Variants in DIP2C observed in about 807,000 individuals in gnomAD.
DIP2C encodes the protein DIP2 acetate--CoA ligase C (putative).
Under a neutral mutation model 192.4 loss-of-function variants are expected in DIP2C, and 33 were observed. The ratio of observed to expected loss-of-function variants is 0.17; its 90% CI spans 0.13 to 0.23. DIP2C has a LOEUF of 0.23. DIP2C is among the 10% of genes least tolerant of loss of function. DIP2C has a pLI of 1.00. For missense variants in DIP2C, 1,537 were observed against 2,110.1 expected, an observed-to-expected ratio of 0.73 and a Z score of 5.32; for synonymous variants, 979 against 864.1, an observed-to-expected ratio of 1.13 and a Z score of -2.33.
intron 1 of DIP2C, among the ~76,000 whole-genome samples, chr10:648,394 G>A (rs541807547): frequency 1.1e-4 from 16 of 152,160 alleles, no homozygotes; most frequent in African/African-American, 2.4e-4. Flanking sequence ...GATGGTGGGC[G>A]AGACCAGAAG....
chr10:500,808 G>A (rs1461192665), intron 1 of DIP2C, among the ~76,000 whole-genome samples: 1 of 152,184 alleles, frequency 6.6e-6, no homozygotes, highest in Non-Finnish European at 1.5e-5. Context: ...GTCCCATCAG[G>A]ACAGGAATGA....
intron 1 of DIP2C, among the ~76,000 whole-genome samples, chr10:547,283 G>T (rs1848334860): frequency 2.0e-5 from 3 of 152,190 alleles, no homozygotes; most frequent in Non-Finnish European, 4.4e-5. Flanking sequence ...TGCAGCTCCA[G>T]CCTACAGGGA....
intron 1 of DIP2C, among the ~76,000 whole-genome samples, chr10:681,820 T>C (rs1413179978): frequency 6.6e-6 from 1 of 152,276 alleles, no homozygotes; most frequent in African/African-American, 2.4e-5. Context: ...CAGGAACGCC[T>C]TCCTCCTCTT....
In DIP2C at chr10:509,465, C is replaced by T. The variant is rs575968451; in HGVS notation, c.86-22935G>A. Among the ~76,000 whole-genome samples the T allele has an allele frequency of 2.4e-4, 36 of 152,276 alleles. No individual in the cohort carries two copies. The South Asian group carries it at 5.2e-3, about 22-fold the overall frequency. On this transcript the variant is annotated intron_variant, in intron 1 of 36. Transcript: ENST00000280886. Reference sequence around the variant, plus strand: ...GCAGCTCCAGATGGACACAGCAGGTCGGAACATCCCACACCCCAAAGACAG... The same window carrying T: ...GCAGCTCCAGATGGACACAGCAGGTTGGAACATCCCACACCCCAAAGACAG...
intron 1 of DIP2C, among the ~76,000 whole-genome samples, chr10:640,463 C>T (rs891811340): frequency 2.6e-5 from 4 of 152,226 alleles, no homozygotes; most frequent in Non-Finnish European, 5.9e-5. Flanking sequence ...CCCTGACAGC[C>T]TCGGACTCTG....
chr10:618,205 A>G (rs565479228), intron 1 of DIP2C, among the ~76,000 whole-genome samples: 1 of 152,030 alleles, frequency 6.6e-6, no homozygotes, highest in Admixed American at 6.5e-5. Context: ...TTTTTCTGAT[A>G]ATATTTTCTT....
At chr10:571,053 C>T (rs1196760189) in intron 1 of DIP2C, among the ~76,000 whole-genome samples, 2 of 152,216 alleles carry the variant, frequency 1.3e-5, no homozygotes, top group African/African-American at 2.4e-5. Context: ...GGCCTAACGA[C>T]ACGAGAGTGG....
intron 3 of DIP2C, among the ~76,000 whole-genome samples, chr10:444,066 G>A (rs1564718932): frequency 6.6e-6 from 1 of 152,184 alleles, no homozygotes; most frequent in Admixed American, 6.5e-5. Context: ...CATTCATGAG[G>A]CGTGTTCACT....
chr10:348,521 C>G (rs1382626676), intron 26 of DIP2C, 120 bp downstream of exon 26: 1 of 1,499,208 alleles, frequency 6.7e-7, no homozygotes, highest in Non-Finnish European at 9.0e-7. Flanking sequence ...CCGTTTGACT[C>G]CAGACACACC....
chr10:545,554 T>C (rs897681788), intron 1 of DIP2C, among the ~76,000 whole-genome samples: 1 of 152,174 alleles, frequency 6.6e-6, no homozygotes, highest in Non-Finnish European at 1.5e-5. Flanking sequence ...AGACGCCGTC[T>C]ACACAGAATG....
At chr10:444,828 C>G (rs894420711) in intron 3 of DIP2C, among the ~76,000 whole-genome samples, 7 of 152,232 alleles carry the variant, frequency 4.6e-5, no homozygotes, top group African/African-American at 1.7e-4. Flanking sequence ...TCATGTTTCT[C>G]CAGCTGAGAG....
At position 276,787 on chromosome 10, in the gene DIP2C, T is replaced by C. The variant is rs1345126022; in HGVS notation, c.*538A>G. 6.5e-6 allele frequency: 1 copy of C among 153,666 alleles called. No homozygotes were observed. The highest frequency in any genetic ancestry group is 6.5e-5 in the Admixed American group (1 of 15,454). 9.5% of individuals were successfully genotyped at this position (153,666 alleles called of 1,614,324 possible). ...GACAAAGAAAGCTGCTATTATCTAA[T>C]TGGAAGGTGCTATTTGGAAGGTTTT... On this transcript the variant is annotated 3_prime_UTR_variant, in exon 37 of 37. Transcript: ENST00000280886.
intron 1 of DIP2C, among the ~76,000 whole-genome samples, chr10:578,731 T>C (rs531382192): frequency 5.9e-5 from 9 of 152,300 alleles, no homozygotes; most frequent in African/African-American, 1.7e-4. Context: ...ATAGGTACAG[T>C]GTAACATGTG....
chr10:596,980 G>A (rs950627938), intron 1 of DIP2C, among the ~76,000 whole-genome samples: 2 of 152,260 alleles, frequency 1.3e-5, no homozygotes, highest in African/African-American at 2.4e-5. Flanking sequence ...GGGCCCCGGG[G>A]TGCCCAGGTG....
intron 32 of DIP2C, among the ~76,000 whole-genome samples, chr10:298,220 TC>T (rs1407667582): frequency 6.6e-6 from 1 of 152,192 alleles, no homozygotes; most frequent in African/African-American, 2.4e-5. Context: ...CTCAGAAATG[TC>T]CCTGTTTTGC....
At chr10:358,417 A>G (rs1320697328) in intron 22 of DIP2C, among the ~76,000 whole-genome samples, 1 of 148,750 alleles carries the variant, frequency 6.7e-6, no homozygotes, top group East Asian at 2.0e-4. Flanking sequence ...GGAGTCAGAG[A>G]GTGATACTGT....
intron 29 of DIP2C, among the ~76,000 whole-genome samples, chr10:335,676 C>T (rs141752020): frequency 4.6e-5 from 7 of 152,336 alleles, no homozygotes; most frequent in Non-Finnish European, 1.0e-4. Flanking sequence ...ATCGCGGATG[C>T]GGCTCTCTTC....
rs778341466 is a variant in DIP2C at position 424,186 on chromosome 10, G to A, written c.395-1153C>T. ...GCCATCGGGTGAGAGGAGAAGTCAC[G>A]GCAAATAATCTTAAGACACGGGTTT... On this transcript the variant is annotated intron_variant, in intron 4 of 36. Transcript: ENST00000280886. Among the ~76,000 whole-genome samples, 28 of 151,998 alleles carry A rather than the reference G, an allele frequency of 1.8e-4. 3 individuals carry two copies. In the South Asian group the frequency reaches 2.1e-3, roughly 11 times the overall value.
At chr10:519,832 C>T (rs1389903141) in intron 1 of DIP2C, among the ~76,000 whole-genome samples, 1 of 152,234 alleles carries the variant, frequency 6.6e-6, no homozygotes, top group Non-Finnish European at 1.5e-5. Flanking sequence ...CCCAGGCCTC[C>T]CCCCTGCTCC....
Sources: allele counts gnomAD v4.1 joint callset (sites outside exome capture counted in the v4.1 genomes callset), GRCh38; gene constraint gnomAD v4.1.1; transcripts MANE v1.5; gene names NCBI Gene and HGNC (gene_info 2026-07-23, HGNC 2026-07-21).